The following MAGI2 variants were observed in gnomAD, a reference collection of about 807,000 sequenced individuals.
MAGI2 encodes the protein membrane-associated guanylate kinase, WW and PDZ domain-containing protein 2.
Under a neutral mutation model 133.3 loss-of-function variants are expected in MAGI2, and 35 were observed. The observed-to-expected ratio is 0.26, with a 90% CI of 0.20 to 0.35. The LOEUF (loss-of-function observed/expected upper bound fraction) is 0.35, where lower values mean the gene tolerates loss of function less well. Ranked by LOEUF, MAGI2 falls within the 10% of genes least tolerant of loss-of-function variation. MAGI2 has a pLI of 1.00. For missense variants in MAGI2, 1,636 were observed against 1,863.4 expected, an observed-to-expected ratio of 0.88 and a Z score of 2.25; for synonymous variants, 729 against 710.6, an observed-to-expected ratio of 1.03 and a Z score of -0.41.
intron 21 of MAGI2, among the ~76,000 whole-genome samples, chr7:78,049,127 T>A (rs900393691): frequency 6.6e-6 from 1 of 150,502 alleles, no homozygotes; most frequent in African/African-American, 2.4e-5. Context: ...AAAAAAAGAC[T>A]TCAAAATTAA....
At chr7:78,329,787 TC>T (rs917837136) in intron 9 of MAGI2, among the ~76,000 whole-genome samples, 2 of 152,184 alleles carry the variant, frequency 1.3e-5, no homozygotes, top group South Asian at 2.1e-4. Context: ...GAGATGAGCA[TC>T]CTACGGCATA....
At chr7:78,180,711 T>C (rs1189188514) in intron 13 of MAGI2, among the ~76,000 whole-genome samples, 1 of 151,788 alleles carries the variant, frequency 6.6e-6, no homozygotes, top group Admixed American at 6.6e-5. Flanking sequence ...TCTTCCATTC[T>C]TCCCAGCAGG....
chr7:78,458,130 T>C (rs1010360452), intron 6 of MAGI2, among the ~76,000 whole-genome samples: 2 of 151,942 alleles, frequency 1.3e-5, no homozygotes, highest in African/African-American at 4.8e-5. Context: ...ACACCGTCTC[T>C]ACTAAAAATA....
intron 3 of MAGI2, among the ~76,000 whole-genome samples, chr7:78,578,565 T>G (rs1802507918): frequency 6.6e-6 from 1 of 152,182 alleles, no homozygotes; most frequent in Non-Finnish European, 1.5e-5. Context: ...TTTTTTATTT[T>G]TATCCTTCTC....
chr7:78,336,720 G>T (rs941588776), intron 9 of MAGI2, among the ~76,000 whole-genome samples: 4 of 151,730 alleles, frequency 2.6e-5, no homozygotes, highest in East Asian at 1.9e-4. Context: ...ATGAGACTCT[G>T]TCAAGAAAAA....
intron 2 of MAGI2, among the ~76,000 whole-genome samples, chr7:78,864,674 C>G (rs1271078228): frequency 2.0e-5 from 3 of 152,046 alleles, no homozygotes; most frequent in African/African-American, 7.2e-5. Context: ...ATAAAAATAC[C>G]TTATTTCATT....
At chr7:78,234,496 TATA>T (rs1233672654) in intron 10 of MAGI2, among the ~76,000 whole-genome samples, 2 of 152,136 alleles carry the variant, frequency 1.3e-5, no homozygotes, top group Admixed American at 6.6e-5. Flanking sequence ...ATTAATGTGG[TATA>T]ATAACTGCAA....
At chr7:79,130,383 T>C (rs374276117) in intron 1 of MAGI2, among the ~76,000 whole-genome samples, 2 of 152,186 alleles carry the variant, frequency 1.3e-5, no homozygotes, top group African/African-American at 4.8e-5. Context: ...CTTTTCCTGG[T>C]AATTAACCAT....
At chr7:79,396,658 G>A (rs6953105) in intron 1 of MAGI2, among the ~76,000 whole-genome samples, 22,687 of 151,272 alleles carry the variant, frequency 0.15, 1,891 homozygotes, top group East Asian at 0.29. Flanking sequence ...TGCAGAGTGT[G>A]TGCTACCATA....
intron 1 of MAGI2, among the ~76,000 whole-genome samples, chr7:79,240,250 T>C (rs1832281785): frequency 6.6e-6 from 1 of 151,842 alleles, no homozygotes; most frequent in African/African-American, 2.4e-5. Context: ...AAGGACTGTC[T>C]TCTAGGCAGA....
intron 1 of MAGI2, among the ~76,000 whole-genome samples, chr7:79,433,534 C>T (rs1847930636): frequency 6.7e-6 from 1 of 149,616 alleles, no homozygotes; most frequent in Non-Finnish European, 1.5e-5. Context: ...GCCTGGGCGA[C>T]AGAGCAAGAC....
intron 3 of MAGI2, among the ~76,000 whole-genome samples, chr7:78,598,716 G>A (rs550696245): frequency 1.3e-5 from 2 of 152,292 alleles, no homozygotes; most frequent in African/African-American, 4.8e-5. Flanking sequence ...AAGCTACTGG[G>A]AGGTGACACT....
intron 2 of MAGI2, among the ~76,000 whole-genome samples, chr7:78,679,333 T>C (rs547292704): frequency 6.6e-4 from 100 of 152,270 alleles, no homozygotes; most frequent in African/African-American, 2.4e-3. Flanking sequence ...ACTGATCTCC[T>C]AGGAGTCAGA....
At chr7:78,657,532 A>G (rs548786725) in intron 2 of MAGI2, among the ~76,000 whole-genome samples, 1 of 152,224 alleles carries the variant, frequency 6.6e-6, no homozygotes, top group Non-Finnish European at 1.5e-5. Flanking sequence ...ATTTAAATGC[A>G]CATTACTAAG....
intron 16 of MAGI2, chr7:78,159,779 A>G: frequency 2.9e-6 from 1 of 340,516 alleles, no homozygotes; most frequent in Non-Finnish European, 5.3e-6. Flanking sequence ...CAAATGAATG[A>G]AGAGCTTTTA....
intron 2 of MAGI2, among the ~76,000 whole-genome samples, chr7:78,884,606 A>G (rs1021520347): frequency 6.6e-6 from 1 of 152,200 alleles, no homozygotes; most frequent in African/African-American, 2.4e-5. Context: ...AATACAAATC[A>G]AAACCACAAT....
In MAGI2 at chr7:78,965,038, A is replaced by T. The variant is rs556367035; in HGVS notation, c.418+42052T>A. On this transcript the variant is annotated intron_variant, in intron 2 of 21. Transcript: ENST00000354212. ...GATAAAAAAGAGAAATCAGTTAGGG[A>T]TCTTCTTTTCTATAGCAATTGTTTA... 9.9e-5 allele frequency among the ~76,000 whole-genome samples: 15 copies of T among 151,872 alleles called. No homozygotes were observed. In the South Asian group the frequency reaches 2.9e-3, roughly 29 times the overall value.
intron 1 of MAGI2, among the ~76,000 whole-genome samples, chr7:79,124,362 C>G (rs1205575976): frequency 6.6e-6 from 1 of 152,102 alleles, no homozygotes; most frequent in Admixed American, 6.5e-5. Context: ...TTTCATTGCT[C>G]ATGTACTCAA....
chr7:78,039,907 T>C (rs1810622178), intron 21 of MAGI2, among the ~76,000 whole-genome samples: 1 of 152,186 alleles, frequency 6.6e-6, no homozygotes. Context: ...GGCTCAGTCT[T>C]GAAGTCTATA....
Sources: allele counts gnomAD v4.1 joint callset (sites outside exome capture counted in the v4.1 genomes callset), GRCh38; gene constraint gnomAD v4.1.1; transcripts MANE v1.5; gene names NCBI Gene and HGNC (gene_info 2026-07-23, HGNC 2026-07-21).